Variants in ACP5 observed in about 807,000 individuals in gnomAD.
ACP5 encodes the protein acid phosphatase 5, tartrate resistant, also known as tartrate-resistant acid phosphatase type 5.
In ACP5, 24 loss-of-function variants were observed where a neutral mutation model predicts 28.7. That is an observed-to-expected ratio of 0.84 (90% CI 0.61 to 1.18). ACP5 has a LOEUF of 1.18. Among genes scored for constraint, ACP5 ranks in the 50% most tolerant of loss-of-function variants. The probability of loss-of-function intolerance (pLI) is 0.00; values close to 1 mark genes in which losing one functional copy is unlikely to be tolerated. For synonymous variants in ACP5, 154 were observed against 181.4 expected (o/e 0.85, Z 1.21); for missense variants, 354 against 422.2 (o/e 0.84, Z 1.42).
chr19:11,575,197 A>C lies in ACP5; in HGVS notation c.791T>G (p.Met264Arg). Residue 264 changes from methionine (M) to arginine (R), a missense_variant, in exon 5 of 5, where the codon ATG (methionine) becomes AGG (arginine). Coordinates refer to ENST00000648477, the MANE Select transcript of ACP5 (RefSeq NM_001611.5). ...GYVLSGAGNF[M>R]DPSKRHQRKV... Reference sequence around the variant, plus strand: ...GCGCTGGTGCCGCTTTGAGGGGTCCATGAAATTCCCAGCCCCACTCAGCAC... The same window carrying C: ...GCGCTGGTGCCGCTTTGAGGGGTCCCTGAAATTCCCAGCCCCACTCAGCAC... 3 of 1,614,096 alleles carry C rather than the reference A, an allele frequency of 1.9e-6. No homozygotes were observed. Among genetic ancestry groups the C allele is most frequent in the Non-Finnish European group, 2.5e-6 (3 of 1,180,032 alleles).
In ACP5 at chr19:11,577,254, C is replaced by T. The variant is rs754367027; in HGVS notation, c.64G>A (p.Ala22Thr). 2 of 1,614,168 alleles carry T rather than the reference C, an allele frequency of 1.2e-6. No homozygotes were observed. The highest frequency in any genetic ancestry group is 1.1e-5 in the South Asian group (1 of 91,088). The change falls in exon 2 of 5, where the codon GCC becomes ACC. Residue 22 changes from alanine to threonine, a missense_variant. Physicochemically the swap from Ala to Thr is moderately conservative, Grantham distance 58 (BLOSUM62 0). Transcript: ENST00000648477. This position sits in a 1 kb window ranked among gnomAD's most constrained non-coding sequence, Gnocchi z 5.7. The part of the protein sequence containing the change: ...ALLLPSLADG[A>T]TPALRFVAVG... ...GCTACAAAGCGCAGGGCAGGGGTGG[C>T]ACCATCAGCCAGGGAGGGTAGCAAC...
intron 2 of ACP5, 75 bp downstream of exon 2, chr19:11,576,982 A>T (rs756938825): frequency 1.2e-6 from 2 of 1,607,858 alleles, no homozygotes; most frequent in Non-Finnish European, 1.7e-6. Context: ...CCCTCACCAA[A>T]GGAAGGTCAC....
rs777726227 is a variant in ACP5 at position 11,576,404 on chromosome 19, G to C, written c.574C>G (p.Leu192Val). Reference protein sequence around the residue: ...RTQLSWLKKQLAAAREDYVLV... With the variant: ...RTQLSWLKKQVAAAREDYVLV... ...ACGTAGTCCTCCCTGGCCGCCGCCA[G>C]CTGTTTCTTGAGCCAGGACAGCTGT... is the stretch of plus-strand genomic sequence containing the variant. The change falls in exon 4 of 5, where the codon CTG becomes GTG. Residue 192 changes from leucine (L) to valine (V), a missense_variant. Leu to Val is a conservative substitution (Grantham distance 32). Transcript: ENST00000648477. The C allele has an allele frequency of 1.9e-6, 3 of 1,612,800 alleles. No individual in the cohort carries two copies. Among genetic ancestry groups the C allele is most frequent in the Non-Finnish European group, 2.5e-6 (3 of 1,179,200 alleles).
Position 11,574,793 on chromosome 19 carries a change from C to T in ACP5, c.*217G>A. ...AAGGTGAGCCAGCCACAGAGCATAA[C>T]ACTGTGGCTGGGACACATGTCCATG... On this transcript the variant is annotated 3_prime_UTR_variant, in exon 5 of 5. Coordinates refer to ENST00000648477, the MANE Select transcript of ACP5 (RefSeq NM_001611.5). The T allele has an allele frequency of 1.3e-5, 5 of 374,690 alleles. No homozygotes were observed. The highest frequency in any genetic ancestry group is 2.1e-5 in the Non-Finnish European group (4 of 193,386). The allele number at this position is 374,690 out of a possible 1,614,324, so 23.2% of individuals were successfully genotyped here. A position where few individuals can be genotyped will look rare whatever the true frequency, so the allele number is the denominator to read the frequency against.
At chr19:11,576,637 C>T (rs1342579205) in intron 3 of ACP5, 49 bp from the exon 4 acceptor site, 1 of 1,613,648 alleles carries the variant, frequency 6.2e-7, no homozygotes, top group East Asian at 2.2e-5. Flanking sequence ...CGCAGAAGTC[C>T]CAGGGTCAGC....
In ACP5 at chr19:11,577,527, A is replaced by G; in HGVS notation, c.-1+66T>C. On this transcript the variant is annotated intron_variant, in intron 1 of 4. Coordinates refer to ENST00000648477, the MANE Select transcript of ACP5 (RefSeq NM_001611.5). This position sits in a 1 kb window ranked among gnomAD's most constrained non-coding sequence, Gnocchi z 5.7. ...GGGGGGCGCGGTCTGTGAGAGGGCG[A>G]GCTGTACCAAGATGGCCCTGCAGGC... The G allele has an allele frequency of 1.6e-6, 1 of 637,050 alleles. No individual in the cohort carries two copies. Among genetic ancestry groups the G allele is most frequent in the Admixed American group, 2.4e-5 (1 of 41,562 alleles). The allele number at this position is 637,050 out of a possible 1,614,324, so 39.5% of individuals were successfully genotyped here.
At chr19:11,576,936 C>G in intron 2 of ACP5, 93 bp from the exon 3 acceptor site, 1 of 1,610,134 alleles carries the variant, frequency 6.2e-7, no homozygotes, top group African/African-American at 1.3e-5. Flanking sequence ...ACTGAATGCT[C>G]CCGGCGCCCA....
chr19:11,576,364 T>C lies in ACP5; in HGVS notation c.614A>G (p.His205Arg), dbSNP rs771877821. Residue 205 changes from histidine (H) to arginine (R), a missense_variant, in exon 4 of 5, where the codon CAC becomes CGC. Transcript: ENST00000648477. ...AREDYVLVAGHYPVWSIAEHG... is the reference protein window; with the variant it reads ...AREDYVLVAGRYPVWSIAEHG... ...CTCGGCTATGGACCACACGGGGTAG[T>C]GGCCAGCCACCAGCACGTAGTCCTC... 1 of 1,610,026 alleles carries C rather than the reference T, an allele frequency of 6.2e-7. No individual in the cohort carries two copies. Among genetic ancestry groups the C allele is most frequent in the Non-Finnish European group, 8.5e-7 (1 of 1,177,880 alleles).
At chr19:11,575,311 G>C in intron 4 of ACP5, 59 bp from the exon 5 acceptor site, 4 of 1,606,506 alleles carry the variant, frequency 2.5e-6, no homozygotes, top group Non-Finnish European at 3.4e-6. Context: ...CCCTGCCTAA[G>C]GTCCAGGGCT....
chr19:11,575,559 C>A, intron 4 of ACP5: 2 of 389,756 alleles, frequency 5.1e-6, no homozygotes, highest in Non-Finnish European at 9.8e-6. Context: ...CTTGCCTCTA[C>A]AAAAAAAATG....
chr19:11,576,958 T>A, intron 2 of ACP5, 99 bp downstream of exon 2: 1 of 1,604,680 alleles, frequency 6.2e-7, no homozygotes, highest in Non-Finnish European at 8.5e-7. Flanking sequence ...AGGTGCCCCA[T>A]CACCTTCCCT....
chr19:11,577,421 G>GGGCAGC lies in ACP5; in HGVS notation c.1-105_1-104insGCTGCC. 1 of 1,354,022 alleles carries GGGCAGC rather than the reference G, an allele frequency of 7.4e-7. No homozygotes were observed. The highest frequency in any genetic ancestry group is 1.0e-6 in the Non-Finnish European group (1 of 970,782). The allele number at this position is 1,354,022 out of a possible 1,614,324, so 83.9% of individuals were successfully genotyped here. A position where few individuals can be genotyped will look rare whatever the true frequency, so the allele number is the denominator to read the frequency against. On this transcript the variant is annotated intron_variant, in intron 1 of 4. Transcript: ENST00000648477. This position sits in a 1 kb window ranked among gnomAD's most constrained non-coding sequence, Gnocchi z 5.7. ...GATAGAGGGAGACTGCTTGCTGCAG[G>GGGCAGC]CTGCCCCTGCGGGAACCCCTTGGTG...
Position 11,577,421 on chromosome 19 carries a change from G to C in ACP5, c.1-104C>G, listed in dbSNP as rs1168418395. 21 of 1,353,906 alleles carry C rather than the reference G, an allele frequency of 1.6e-5. No individual in the cohort carries two copies. The highest frequency in any genetic ancestry group is 2.1e-5 in the Non-Finnish European group (20 of 970,792). 83.9% of individuals were successfully genotyped at this position (1,353,906 alleles called of 1,614,324 possible). ...GATAGAGGGAGACTGCTTGCTGCAG[G>C]CTGCCCCTGCGGGAACCCCTTGGTG... On this transcript the variant is annotated intron_variant, in intron 1 of 4. Transcript: ENST00000648477. This position sits in a 1 kb window ranked among gnomAD's most constrained non-coding sequence, Gnocchi z 5.7.
At position 11,575,125 on chromosome 19, in the gene ACP5, GAGTCTTC is replaced by G; in HGVS notation, c.856_862del (p.Glu286HisfsTer15). 6.2e-7 allele frequency: 1 copy of G among 1,614,230 alleles called. No individual in the cohort carries two copies. The highest frequency in any genetic ancestry group is 1.3e-5 in the African/African-American group (1 of 75,072). On this transcript the variant is annotated frameshift_variant, in exon 5 of 5. Coordinates refer to ENST00000648477, the MANE Select transcript of ACP5 (RefSeq NM_001611.5). LOFTEE classifies it high-confidence loss of function. ...CTCCACATAGGCAAAGCCACCCAGT[GAGTCTTC>G]AGTCCCATAGTGGAAGCGCAGATAG...
rs1656317422 is a variant in ACP5, at chr19:11,576,330, A to T, written c.648T>A (p.Pro216=). ...GTAGCTGCTTGACCAGGCAGTGGGT[A>T]GGCCCGTGCTCGGCTATGGACCACA... ...YPVWSIAEHG[P]THCLVKQLRP... is the part of the protein sequence containing the mutation. Residue 216 remains proline, a synonymous_variant, in exon 4 of 5, where the codon CCT becomes CCA. Coordinates refer to ENST00000648477, the MANE Select transcript of ACP5 (RefSeq NM_001611.5). The T allele has an allele frequency of 1.2e-6, 2 of 1,611,628 alleles. No homozygotes were observed. The highest frequency in any genetic ancestry group is 2.7e-5 in the African/African-American group (2 of 74,892).
upstream of ACP5, chr19:11,577,761 A>G: frequency 1.2e-5 from 3 of 260,004 alleles, no homozygotes; most frequent in South Asian, 4.4e-5. The surrounding 1 kb of genome is among the most constrained non-coding windows in gnomAD (Gnocchi z 5.7). Flanking sequence ...GGGTCATGTG[A>G]GCCCTGGACT....
Position 11,576,710 on chromosome 19 carries a change from G to T in ACP5, c.389+6C>A. On this transcript the variant is annotated splice_donor_region_variant and intron_variant, in intron 3 of 4. Transcript: ENST00000648477. ...ATCTCGGAAGGCAGGGCTGAGGGTG[G>T]CTCACCAGCGCTTGGAGATCTTAGA... 6.2e-7 allele frequency: 1 copy of T among 1,613,244 alleles called. No individual in the cohort carries two copies. Among genetic ancestry groups the T allele is most frequent in the Non-Finnish European group, 8.5e-7 (1 of 1,179,736 alleles).
At chr19:11,575,802 A>C (rs1406417460) in intron 4 of ACP5, among the ~76,000 whole-genome samples, 1 of 150,286 alleles carries the variant, frequency 6.7e-6, no homozygotes. Flanking sequence ...GGTTGCAGTG[A>C]GTTGAGATCG....
Position 11,576,319 on chromosome 19 carries a change from AGGCAG to A in ACP5, c.654_658del (p.Cys219GlyfsTer30). 1 of 1,611,680 alleles carries A rather than the reference AGGCAG, an allele frequency of 6.2e-7. No individual in the cohort carries two copies. The highest frequency in any genetic ancestry group is 8.5e-7 in the Non-Finnish European group (1 of 1,179,900). ...CAGCAGTGGCCGTAGCTGCTTGACC[AGGCAG>A]TGGGTAGGCCCGTGCTCGGCTATGG... On this transcript the variant is annotated frameshift_variant, in exon 4 of 5. Coordinates refer to ENST00000648477, the MANE Select transcript of ACP5 (RefSeq NM_001611.5). LOFTEE classifies it high-confidence loss of function.
Sources: gnomAD v4.1 joint callset for allele counts (sites outside exome capture counted in the v4.1 genomes callset) on GRCh38, gnomAD v4.1.1 for gene constraint, Gnocchi (gnomAD v3.1) non-coding constraint, MANE v1.5 for transcripts, NCBI Gene and HGNC (gene_info 2026-07-23, HGNC 2026-07-21) for gene names.